TASP1: variants seen among roughly 807,000 people sequenced by gnomAD.
TASP1 encodes threonine aspartase 1.
In TASP1, 16 loss-of-function variants were observed where a neutral mutation model predicts 56.6. The ratio of observed to expected loss-of-function variants is 0.28; its 90% CI spans 0.19 to 0.43. TASP1 has a LOEUF of 0.43. TASP1 is among the 20% of genes least tolerant of loss of function. The pLI is 1.00. For missense variants in TASP1, 393 were observed against 511.6 expected, an observed-to-expected ratio of 0.77 and a Z score of 2.24; for synonymous variants, 179 against 184.2, an observed-to-expected ratio of 0.97 and a Z score of 0.23.
chr20:13,231,629 C>T, the TASP1 span, among the ~76,000 whole-genome samples: 1 of 152,130 alleles, frequency 6.6e-6, no homozygotes, highest in African/African-American at 2.4e-5. Context: ...GGTTAACTAC[C>T]CCTTCTTCCT....
the TASP1 span, among the ~76,000 whole-genome samples, chr20:13,180,740 T>C: frequency 6.6e-6 from 1 of 151,898 alleles, no homozygotes; most frequent in Non-Finnish European, 1.5e-5. Flanking sequence ...CTCCCTACTC[T>C]CCTAAACTGC....
chr20:13,513,161 C>T (rs1457304590), intron 10 of TASP1, among the ~76,000 whole-genome samples: 2 of 152,060 alleles, frequency 1.3e-5, no homozygotes, highest in Non-Finnish European at 2.9e-5. Flanking sequence ...AGGAACAAGT[C>T]AGTCATTTTG....
intron 10 of TASP1, among the ~76,000 whole-genome samples, chr20:13,523,833 G>A (rs1156887684): frequency 2.0e-5 from 3 of 152,020 alleles, no homozygotes; most frequent in Non-Finnish European, 4.4e-5. Flanking sequence ...TTTAAGGAGG[G>A]GAAATGAAGC....
At chr20:13,421,949 T>A in intron 12 of TASP1, among the ~76,000 whole-genome samples, 1 of 150,758 alleles carries the variant, frequency 6.6e-6, no homozygotes. Context: ...TGTTTCTGTT[T>A]AACCTTTTTT....
At chr20:13,538,935 G>A (rs962235768) in intron 8 of TASP1, among the ~76,000 whole-genome samples, 3 of 152,054 alleles carry the variant, frequency 2.0e-5, no homozygotes, top group African/African-American at 7.2e-5. Context: ...TGTAGTCCCA[G>A]CTACTCAGAG....
the TASP1 span, among the ~76,000 whole-genome samples, chr20:13,262,373 T>C: frequency 6.6e-6 from 1 of 152,220 alleles, no homozygotes; most frequent in South Asian, 2.1e-4. Context: ...ACAAGGGCTT[T>C]ATCAAAGTGG....
chr20:13,277,163 C>T, the TASP1 span, among the ~76,000 whole-genome samples: 16 of 152,068 alleles, frequency 1.1e-4, no homozygotes, highest in Non-Finnish European at 2.4e-4. Context: ...ATCATATTGA[C>T]GGTAATAGCT....
chr20:13,337,570 C>T, the TASP1 span, among the ~76,000 whole-genome samples: 1 of 152,216 alleles, frequency 6.6e-6, no homozygotes, highest in African/African-American at 2.4e-5. Context: ...CCAATTTATG[C>T]TGTCGTGGCT....
chr20:13,172,588 T>C, the TASP1 span, among the ~76,000 whole-genome samples: 9 of 152,178 alleles, frequency 5.9e-5, no homozygotes, highest in Non-Finnish European at 8.8e-5. Flanking sequence ...CTATTTCTAT[T>C]GTAAATACCT....
intron 10 of TASP1, among the ~76,000 whole-genome samples, chr20:13,516,303 T>C (rs916257810): frequency 1.3e-5 from 2 of 152,096 alleles, no homozygotes; most frequent in Admixed American, 1.3e-4. Flanking sequence ...ATTGTTTTTC[T>C]CCTCCTTTTG....
the TASP1 span, among the ~76,000 whole-genome samples, chr20:13,346,743 G>A: frequency 1.1e-4 from 16 of 152,326 alleles, no homozygotes; most frequent in South Asian, 3.3e-3. Context: ...AAAAATATGT[G>A]TTGCATCTGT....
chr20:13,229,107 T>C, the TASP1 span, among the ~76,000 whole-genome samples: 1 of 151,010 alleles, frequency 6.6e-6, no homozygotes, highest in African/African-American at 2.4e-5. Flanking sequence ...TTATCTTCCT[T>C]TCCTTTCTTT....
intron 11 of TASP1, among the ~76,000 whole-genome samples, chr20:13,469,340 A>G (rs2044384565): frequency 6.6e-6 from 1 of 152,140 alleles, no homozygotes; most frequent in Admixed American, 6.5e-5. Context: ...TGAAACTTCC[A>G]GGCTCTAGAA....
At chr20:13,417,348 CA>C (rs2042290245) in intron 13 of TASP1, 99 bp downstream of exon 13, 16 of 1,281,032 alleles carry the variant, frequency 1.2e-5, no homozygotes, top group Admixed American at 2.1e-5. Flanking sequence ...AGCTACTGCC[CA>C]AAAAAAGCTG....
chr20:13,520,466 C>T (rs989600176), intron 10 of TASP1, among the ~76,000 whole-genome samples: 9 of 152,198 alleles, frequency 5.9e-5, no homozygotes, highest in Admixed American at 3.3e-4. Flanking sequence ...AGAAACAATG[C>T]CACATATCTA....
intron 10 of TASP1, among the ~76,000 whole-genome samples, chr20:13,506,360 C>T (rs1379927815): frequency 2.0e-5 from 3 of 152,058 alleles, no homozygotes; most frequent in African/African-American, 7.2e-5. Context: ...TTCAAAAAAC[C>T]AAGTAAGAGG....
chr20:13,625,840 G>A (rs2048868935), intron 2 of TASP1, among the ~76,000 whole-genome samples: 1 of 152,168 alleles, frequency 6.6e-6, no homozygotes, highest in African/African-American at 2.4e-5. Flanking sequence ...CTAAGTGACA[G>A]CACATTCATG....
intron 9 of TASP1, among the ~76,000 whole-genome samples, chr20:13,533,610 G>C (rs1601151144): frequency 6.6e-6 from 1 of 152,236 alleles, no homozygotes; most frequent in East Asian, 1.9e-4. Flanking sequence ...ACAATACATG[G>C]AACAGAGGAA....
chr20:13,365,102 T>C, the TASP1 span, among the ~76,000 whole-genome samples: 5 of 152,386 alleles, frequency 3.3e-5, no homozygotes, highest in East Asian at 1.9e-4. Flanking sequence ...TATTTTCATA[T>C]AATGTTTGGC....
Sources: gnomAD v4.1 joint callset for allele counts (sites outside exome capture counted in the v4.1 genomes callset) on GRCh38, gnomAD v4.1.1 for gene constraint, MANE v1.5 for transcripts, NCBI Gene and HGNC (gene_info 2026-07-23, HGNC 2026-07-21) for gene names.